Variants in SAP130 observed in about 807,000 individuals in gnomAD.
SAP130 encodes Sin3A associated protein 130.
In SAP130, 16 loss-of-function variants were observed where a neutral mutation model predicts 103.2. The ratio of observed to expected loss-of-function variants is 0.16; its 90% CI spans 0.10 to 0.24. The LOEUF is 0.24. Among genes scored for constraint, SAP130 ranks in the 10% least tolerant of loss-of-function variants. SAP130 has a pLI of 1.00. For synonymous variants in SAP130, 477 were observed against 497.0 expected (o/e 0.96, Z 0.53); for missense variants, 990 against 1,359.7 (o/e 0.73, Z 4.28).
intron 7 of SAP130, among the ~76,000 whole-genome samples, chr2:128,003,542 G>A (rs563617578): frequency 4.6e-5 from 7 of 151,184 alleles, no homozygotes; most frequent in South Asian, 2.1e-4. Flanking sequence ...ACAGGTGGGC[G>A]TCAAGATGTG....
At chr2:128,004,292 A>C (rs534787720) in intron 7 of SAP130, among the ~76,000 whole-genome samples, 2 of 151,850 alleles carry the variant, frequency 1.3e-5, no homozygotes, top group Admixed American at 1.3e-4. Flanking sequence ...ACAGGACAGA[A>C]GAACTGCCAA....
chr2:128,022,800 T>C (rs1685244524), intron 2 of SAP130, among the ~76,000 whole-genome samples: 1 of 152,090 alleles, frequency 6.6e-6, no homozygotes, highest in Admixed American at 6.6e-5. Flanking sequence ...AATCAGGTTG[T>C]TTGTCTTTTT....
At chr2:128,012,394 C>T (rs1254726875) in intron 6 of SAP130, among the ~76,000 whole-genome samples, 4 of 152,078 alleles carry the variant, frequency 2.6e-5, no homozygotes, top group African/African-American at 9.7e-5. Flanking sequence ...CGCTTGAACC[C>T]AGGAAGCAGA....
chr2:127,963,577 G>C (rs1379987957), intron 15 of SAP130, among the ~76,000 whole-genome samples: 1 of 152,156 alleles, frequency 6.6e-6, no homozygotes, highest in African/African-American at 2.4e-5. Context: ...TCTGAATTTT[G>C]AGTCATAATG....
At chr2:127,967,615 C>T (rs1680752156) in intron 15 of SAP130, among the ~76,000 whole-genome samples, 1 of 152,204 alleles carries the variant, frequency 6.6e-6, no homozygotes, top group Admixed American at 6.5e-5. Context: ...CCAAGCTGGT[C>T]TTGAACTCCT....
At chr2:127,956,702 T>TAAAA (rs55931869) in intron 15 of SAP130, among the ~76,000 whole-genome samples, 124 of 110,826 alleles carry the variant, frequency 1.1e-3, no homozygotes, top group East Asian at 2.0e-3. Context: ...TAAAGTATAA[T>TAAAA]AAAAAAAAAA....
At chr2:128,020,616 C>T (rs115128245) in intron 2 of SAP130, among the ~76,000 whole-genome samples, 3 of 152,116 alleles carry the variant, frequency 2.0e-5, no homozygotes, top group Non-Finnish European at 4.4e-5. Context: ...TGTTCTTGTA[C>T]GTGTCTTTTG....
intron 3 of SAP130, 62 bp from the exon 4 acceptor site, chr2:128,016,609 C>A: frequency 6.5e-7 from 1 of 1,537,746 alleles, no homozygotes; most frequent in South Asian, 1.3e-5. Context: ...CATTTCAATC[C>A]ACAATTAAGA....
intron 7 of SAP130, among the ~76,000 whole-genome samples, chr2:128,010,022 C>T (rs1179279378): frequency 6.6e-6 from 1 of 152,090 alleles, no homozygotes; most frequent in Non-Finnish European, 1.5e-5. Flanking sequence ...TTATTTTTTT[C>T]CAAAGCACTT....
At chr2:127,944,479 G>C (rs1161318624) in intron 19 of SAP130, among the ~76,000 whole-genome samples, 1 of 150,988 alleles carries the variant, frequency 6.6e-6, no homozygotes, top group African/African-American at 2.4e-5. Flanking sequence ...GCCCAGGCTT[G>C]AGTGCAGTGG....
chr2:128,000,180 A>ACATT lies in SAP130; in HGVS notation c.1018-38_1018-35dup, dbSNP rs540511299. On this transcript the variant is annotated intron_variant, in intron 8 of 20. Transcript: ENST00000643581. Reference sequence around the variant, plus strand: ...GAAACCCCACAACACAGTTATAAGAACATTATCCACTGCGTCCAGGGTAAA... The same window carrying ACATT: ...GAAACCCCACAACACAGTTATAAGAACATTCATTATCCACTGCGTCCAGGGTAAA... 2.7e-4 allele frequency: 438 copies of ACATT among 1,610,684 alleles called. 3 individuals carry two copies. The East Asian group carries it at 6.5e-3, about 24-fold the overall frequency.
At chr2:127,998,910 T>C (rs1683355627) in intron 10 of SAP130, among the ~76,000 whole-genome samples, 1 of 152,222 alleles carries the variant, frequency 6.6e-6, no homozygotes, top group African/African-American at 2.4e-5. Flanking sequence ...TCAGGAGAGC[T>C]GATGACGCAG....
chr2:127,968,891 T>C (rs1270310144), intron 15 of SAP130, among the ~76,000 whole-genome samples: 2 of 152,176 alleles, frequency 1.3e-5, no homozygotes, highest in Admixed American at 6.6e-5. Context: ...TGACAAACTA[T>C]ATCCCAGCCC....
intron 5 of SAP130, among the ~76,000 whole-genome samples, chr2:128,014,570 C>A (rs925006245): frequency 6.6e-6 from 1 of 152,182 alleles, no homozygotes; most frequent in Non-Finnish European, 1.5e-5. Context: ...TTCCTGGACT[C>A]AAGTGAACCT....
At chr2:127,965,500 G>A (rs1188742551) in intron 15 of SAP130, among the ~76,000 whole-genome samples, 2 of 151,274 alleles carry the variant, frequency 1.3e-5, no homozygotes, top group Admixed American at 6.6e-5. Context: ...GGTGGAGGGC[G>A]GGGCAGGGAG....
intron 5 of SAP130, among the ~76,000 whole-genome samples, chr2:128,014,288 A>C (rs1050619402): frequency 2.6e-5 from 4 of 151,452 alleles, no homozygotes; most frequent in Non-Finnish European, 5.9e-5. Flanking sequence ...GCAGCGGCGC[A>C]ATCTCAACTC....
chr2:128,015,767 C>T (rs1009470622), intron 4 of SAP130, among the ~76,000 whole-genome samples: 7 of 151,834 alleles, frequency 4.6e-5, no homozygotes, highest in Non-Finnish European at 1.0e-4. Flanking sequence ...CATGGTGAAA[C>T]CCCGTCTCTA....
Position 127,955,093 on chromosome 2 carries a change from G to A in SAP130, c.2315C>T (p.Pro772Leu). The A allele has an allele frequency of 1.2e-6, 2 of 1,614,200 alleles. No individual in the cohort carries two copies. Among genetic ancestry groups the A allele is most frequent in the Non-Finnish European group, 1.7e-6 (2 of 1,180,030 alleles). ...PITTIAAAPP[P>L]SVTVGGSLSS... ...AAGACTGCCACCCACAGTGACTGAT[G>A]GAGGTGGTGCAGCTGCAATGGTGGT... The change falls in exon 16 of 21, where the codon CCA becomes CTA. Residue 772 changes from proline (P) to leucine (L), a missense_variant. Around this residue, in one of 6 missense-constraint regions of SAP130, gnomAD observed 349 missense variants for 384.1 expected, o/e 0.91. Transcript: ENST00000643581. The surrounding 1 kb of genome is among the most constrained non-coding windows in gnomAD (Gnocchi z 4.9).
intron 15 of SAP130, among the ~76,000 whole-genome samples, chr2:127,973,556 A>G (rs185146196): frequency 2.6e-5 from 4 of 152,278 alleles, no homozygotes; most frequent in South Asian, 4.1e-4. Flanking sequence ...AGAATTTTCT[A>G]TCTGTCTATT....
Sources: gnomAD v4.1 joint callset for allele counts (sites outside exome capture counted in the v4.1 genomes callset) on GRCh38, gnomAD v4.1.1 for gene constraint, gnomAD v4.1.1 regional missense constraint, Gnocchi (gnomAD v3.1) non-coding constraint, MANE v1.5 for transcripts, NCBI Gene and HGNC (gene_info 2026-07-23, HGNC 2026-07-21) for gene names.